MNAT1: variants seen among roughly 807,000 people sequenced by gnomAD.
The protein encoded by MNAT1 is CDK-activating kinase assembly factor MAT1.
Under a neutral mutation model 42.0 loss-of-function variants are expected in MNAT1, and 43 were observed. The ratio of observed to expected loss-of-function variants is 1.02; its 90% CI spans 0.80 to 1.32. The LOEUF (loss-of-function observed/expected upper bound fraction) is 1.32, where lower values mean the gene tolerates loss of function less well. Among genes scored for constraint, MNAT1 ranks in the 40% most tolerant of loss-of-function variants. MNAT1 has a pLI of 0.00. For synonymous variants in MNAT1, 118 were observed against 120.0 expected (o/e 0.98, Z 0.11); for missense variants, 306 against 350.4 (o/e 0.87, Z 1.01).
rs1480648556 is a variant in MNAT1, at chr14:60,868,277, CAT to C, written c.688-11434_688-11433del. ...TGCATACACAGCACACATGTCCACACATATTTAAATTATTAGAACATTACCAA... is the reference window on the plus strand; with the variant it reads ...TGCATACACAGCACACATGTCCACACATTTAAATTATTAGAACATTACCAA... On this transcript the variant is annotated intron_variant, in intron 6 of 7. Coordinates refer to ENST00000261245, the MANE Select transcript of MNAT1 (RefSeq NM_002431.4). Among the ~76,000 whole-genome samples, 3 of 152,112 alleles carry C rather than the reference CAT, an allele frequency of 2.0e-5. No homozygotes were observed. The East Asian group carries it at 5.8e-4, about 29-fold the overall frequency.
intron 6 of MNAT1, among the ~76,000 whole-genome samples, chr14:60,856,270 T>C (rs2033956565): frequency 6.6e-6 from 1 of 152,184 alleles, no homozygotes; most frequent in Non-Finnish European, 1.5e-5. Context: ...TGAAACATGC[T>C]CATTGTTCAT....
chr14:60,758,811 G>A (rs986971934), intron 1 of MNAT1, among the ~76,000 whole-genome samples: 4 of 152,088 alleles, frequency 2.6e-5, no homozygotes, highest in Non-Finnish European at 5.9e-5. Context: ...AAGCCCCTTT[G>A]AAGTTTTGGT....
At chr14:60,865,798 A>G (rs1253582095) in intron 6 of MNAT1, among the ~76,000 whole-genome samples, 9 of 152,114 alleles carry the variant, frequency 5.9e-5, no homozygotes, top group Admixed American at 2.0e-4. Flanking sequence ...CATTTGTCTT[A>G]TAAGTTAATG....
chr14:60,949,836 C>A (rs182367860), intron 7 of MNAT1, among the ~76,000 whole-genome samples: 2 of 152,098 alleles, frequency 1.3e-5, no homozygotes, highest in Admixed American at 6.5e-5. Context: ...TGTGGTTTTA[C>A]TCTTGGAAGA....
chr14:60,799,448 CA>C, intron 3 of MNAT1: 1 of 962,432 alleles, frequency 1.0e-6, no homozygotes, highest in Non-Finnish European at 1.2e-6. Flanking sequence ...TGTTGGATAG[CA>C]ATTGGGAAGA....
chr14:60,913,801 C>T (rs975297851), intron 7 of MNAT1, among the ~76,000 whole-genome samples: 10 of 152,288 alleles, frequency 6.6e-5, no homozygotes, highest in South Asian at 2.1e-4. Context: ...GGCAGTCTGT[C>T]GGTGTTCAGA....
chr14:60,822,557 C>G (rs1243036627), intron 6 of MNAT1, among the ~76,000 whole-genome samples: 1 of 151,390 alleles, frequency 6.6e-6, no homozygotes, highest in Non-Finnish European at 1.5e-5. Context: ...TCCCAAGTAA[C>G]TGGGTTTACA....
At chr14:60,750,834 C>T (rs967263184) in intron 1 of MNAT1, among the ~76,000 whole-genome samples, 9 of 151,904 alleles carry the variant, frequency 5.9e-5, no homozygotes, top group African/African-American at 1.9e-4. Context: ...AAATGTTGTA[C>T]GTGGTTCCAA....
intron 1 of MNAT1, among the ~76,000 whole-genome samples, chr14:60,773,775 A>C (rs1267720225): frequency 1.3e-5 from 2 of 152,216 alleles, no homozygotes; most frequent in Non-Finnish European, 2.9e-5. Flanking sequence ...GTGAAACCTA[A>C]TGTGTCATAT....
chr14:60,781,867 A>G (rs189714462), intron 1 of MNAT1, among the ~76,000 whole-genome samples: 35 of 150,774 alleles, frequency 2.3e-4, no homozygotes, highest in African/African-American at 7.8e-4. Flanking sequence ...TGTCTCAAGT[A>G]TTTATTTAGT....
chr14:60,780,110 C>G, intron 1 of MNAT1: 8 of 1,457,430 alleles, frequency 5.5e-6, no homozygotes, highest in South Asian at 1.1e-5. Context: ...AATCTTTACT[C>G]GAGTGCAGAA....
intron 7 of MNAT1, among the ~76,000 whole-genome samples, chr14:60,923,104 T>C (rs1774581500): frequency 6.6e-6 from 1 of 152,196 alleles, no homozygotes; most frequent in South Asian, 2.1e-4. Context: ...AAATGTACAC[T>C]TTCCTGGAAT....
intron 1 of MNAT1, among the ~76,000 whole-genome samples, chr14:60,746,619 A>G (rs369091093): frequency 1.1e-4 from 16 of 150,992 alleles, no homozygotes; most frequent in Admixed American, 5.3e-4. Context: ...TTTTCCCAGT[A>G]TGAGGGATGG....
At chr14:60,939,597 CAGTTT>C (rs1323532653) in intron 7 of MNAT1, among the ~76,000 whole-genome samples, 1 of 152,164 alleles carries the variant, frequency 6.6e-6, no homozygotes, top group Non-Finnish European at 1.5e-5. Context: ...GTCTGAGAGA[CAGTTT>C]GTTATCATTT....
intron 7 of MNAT1, among the ~76,000 whole-genome samples, chr14:60,948,728 A>G (rs1199890653): frequency 6.6e-6 from 1 of 152,212 alleles, no homozygotes; most frequent in African/African-American, 2.4e-5. Flanking sequence ...TTGTCTTCTC[A>G]TCTAGCACTT....
intron 1 of MNAT1, among the ~76,000 whole-genome samples, chr14:60,791,540 G>A (rs1427397916): frequency 3.3e-5 from 5 of 152,068 alleles, no homozygotes; most frequent in Admixed American, 2.6e-4. Context: ...GACTGATGAG[G>A]AAATTTAACA....
At chr14:60,929,699 G>A (rs758440073) in intron 7 of MNAT1, among the ~76,000 whole-genome samples, 1 of 152,060 alleles carries the variant, frequency 6.6e-6, no homozygotes, top group Non-Finnish European at 1.5e-5. Context: ...ACATTTAGCT[G>A]TGAGCCTATC....
intron 7 of MNAT1, among the ~76,000 whole-genome samples, chr14:60,905,767 T>C (rs528072250): frequency 1.3e-5 from 2 of 152,332 alleles, no homozygotes; most frequent in East Asian, 3.9e-4. Context: ...CTTCGTTTTT[T>C]TGCTGTGTTC....
At chr14:60,907,867 T>A (rs995582235) in intron 7 of MNAT1, among the ~76,000 whole-genome samples, 1 of 151,730 alleles carries the variant, frequency 6.6e-6, no homozygotes, top group Admixed American at 6.6e-5. Context: ...CTAGAATTAA[T>A]TGTGAAATAA....
Sources: allele counts gnomAD v4.1 joint callset (sites outside exome capture counted in the v4.1 genomes callset), GRCh38; gene constraint gnomAD v4.1.1; transcripts MANE v1.5; gene names NCBI Gene and HGNC (gene_info 2026-07-23, HGNC 2026-07-21).